CDK17: variants seen among roughly 807,000 people sequenced by gnomAD.
The protein encoded by CDK17 is cyclin dependent kinase 17, also known as cyclin-dependent kinase 17.
CDK17 carries 24 observed loss-of-function variants against 77.6 expected under a neutral mutation model. The observed-to-expected ratio is 0.31, with a 90% CI of 0.22 to 0.44. The LOEUF (loss-of-function observed/expected upper bound fraction) is 0.44. CDK17 is among the 20% of genes least tolerant of loss of function. The pLI is 1.00. For missense variants in CDK17, 429 were observed against 622.5 expected (o/e 0.69, Z 3.31); for synonymous variants, 203 against 210.4 (o/e 0.96, Z 0.30).
At chr12:96,348,830 A>G (rs1360233910) in intron 1 of CDK17, among the ~76,000 whole-genome samples, 2 of 152,162 alleles carry the variant, frequency 1.3e-5, no homozygotes. Flanking sequence ...AAACACTTCC[A>G]ACCAAAAAAG....
intron 5 of CDK17, chr12:96,303,372 C>T (rs1255222454): frequency 6.6e-6 from 1 of 152,084 alleles, no homozygotes; most frequent in Non-Finnish European, 1.5e-5. Context: ...GTTGTTGTTC[C>T]AGTCTCTGCA....
At chr12:96,341,029 TC>T (rs1004346462) in intron 1 of CDK17, among the ~76,000 whole-genome samples, 5 of 152,128 alleles carry the variant, frequency 3.3e-5, no homozygotes, top group African/African-American at 1.2e-4. Flanking sequence ...TGTCTGTTGA[TC>T]CCCTCTTTGT....
chr12:96,319,038 T>A (rs1458819670), intron 3 of CDK17, among the ~76,000 whole-genome samples: 1 of 144,666 alleles, frequency 6.9e-6, no homozygotes, highest in African/African-American at 2.6e-5. Context: ...TCAACAAAAT[T>A]GATAGACCGC....
In CDK17 at chr12:96,367,344, CAAAAAAAAAAAAAAA is replaced by C. The variant is rs56689330; in HGVS notation, c.-29-32494_-29-32480del. Among the ~76,000 whole-genome samples the C allele has an allele frequency of 5.8e-4, 37 of 63,516 alleles. 1 individual carries two copies. The highest frequency in any genetic ancestry group is 2.4e-3 in the African/African-American group (37 of 15,338). 41.7% of individuals were successfully genotyped at this position (63,516 alleles called of 152,430 possible). A position where few individuals can be genotyped will look rare whatever the true frequency, so the allele number is the denominator to read the frequency against. On this transcript the variant is annotated intron_variant, in intron 1 of 16. Coordinates refer to ENST00000261211, the MANE Select transcript of CDK17 (RefSeq NM_002595.5). ...TGGGTGACAGAATGAGACTCCACCT[CAAAAAAAAAAAAAAA>C]AAAAAAAAAAAAGAAATCTTATAAA...
chr12:96,355,354 C>T (rs1416102269), intron 1 of CDK17, among the ~76,000 whole-genome samples: 1 of 148,310 alleles, frequency 6.7e-6, no homozygotes, highest in Non-Finnish European at 1.5e-5. Flanking sequence ...CCCTTAACTG[C>T]TTTAATTTTC....
intron 5 of CDK17, chr12:96,303,058 T>G (rs1952529129): frequency 6.6e-6 from 1 of 152,180 alleles, no homozygotes; most frequent in Non-Finnish European, 1.5e-5. Flanking sequence ...TTAAATAAAA[T>G]TTTTAGAAAA....
At chr12:96,364,624 G>C (rs967390556) in intron 1 of CDK17, among the ~76,000 whole-genome samples, 24 of 151,986 alleles carry the variant, frequency 1.6e-4, no homozygotes, top group African/African-American at 5.8e-4. Context: ...TTTCTCCTTT[G>C]TGCTTTAAAT....
intron 4 of CDK17, among the ~76,000 whole-genome samples, chr12:96,311,677 A>C (rs190344046): frequency 1.0e-3 from 158 of 151,478 alleles, no homozygotes; most frequent in Non-Finnish European, 2.0e-3. Context: ...AAGAAATTTA[A>C]GCCCTATAAA....
intron 1 of CDK17, among the ~76,000 whole-genome samples, chr12:96,393,269 C>A (rs1368256887): frequency 7.6e-6 from 1 of 131,496 alleles, no homozygotes; most frequent in Non-Finnish European, 1.5e-5. Flanking sequence ...GAGGCTGAGG[C>A]AGGGAGAATC....
intron 1 of CDK17, among the ~76,000 whole-genome samples, chr12:96,388,620 A>G (rs1383636769): frequency 6.6e-6 from 1 of 152,218 alleles, no homozygotes; most frequent in African/African-American, 2.4e-5. Context: ...TTTTATTACC[A>G]CTACCAATAG....
At chr12:96,356,419 C>G (rs1321856186) in intron 1 of CDK17, among the ~76,000 whole-genome samples, 1 of 152,204 alleles carries the variant, frequency 6.6e-6, no homozygotes. Flanking sequence ...CCTCAGCCCC[C>G]CAAGTCGCTG....
intron 1 of CDK17, among the ~76,000 whole-genome samples, chr12:96,359,409 G>A (rs982441433): frequency 2.0e-5 from 3 of 152,178 alleles, no homozygotes; most frequent in Admixed American, 1.3e-4. Context: ...CTGACTGGAG[G>A]CTCTGCTCCA....
intron 1 of CDK17, among the ~76,000 whole-genome samples, chr12:96,350,375 G>A (rs1360495909): frequency 6.7e-6 from 1 of 150,366 alleles, no homozygotes; most frequent in East Asian, 1.9e-4. Flanking sequence ...AGACAACGAC[G>A]ATATCTTAAA....
At chr12:96,381,365 C>A (rs982465159) in intron 1 of CDK17, among the ~76,000 whole-genome samples, 35 of 144,260 alleles carry the variant, frequency 2.4e-4, no homozygotes, top group East Asian at 4.0e-4. Context: ...TTTTTTCCTA[C>A]AAAAAAAAAA....
At chr12:96,330,386 T>C (rs140045109) in intron 2 of CDK17, among the ~76,000 whole-genome samples, 206 of 152,322 alleles carry the variant, frequency 1.4e-3, no homozygotes, top group African/African-American at 4.8e-3. Flanking sequence ...GAAATTCTTA[T>C]AACATTAACC....
chr12:96,389,548 T>G (rs1423663835), intron 1 of CDK17, among the ~76,000 whole-genome samples: 1 of 152,136 alleles, frequency 6.6e-6, no homozygotes, highest in Non-Finnish European at 1.5e-5. Context: ...CACCAACTTA[T>G]GGGCAAAAAT....
At chr12:96,361,546 G>A (rs1953492792) in intron 1 of CDK17, among the ~76,000 whole-genome samples, 1 of 152,096 alleles carries the variant, frequency 6.6e-6, no homozygotes, top group Non-Finnish European at 1.5e-5. Context: ...AATATTTAAG[G>A]TAATATTTTG....
At chr12:96,368,815 G>A (rs918877068) in intron 1 of CDK17, among the ~76,000 whole-genome samples, 2,845 of 96,900 alleles carry the variant, frequency 0.029, 692 homozygotes, top group African/African-American at 0.09. Flanking sequence ...ACGGGGGGGG[G>A]GGGGGGGGGC....
intron 7 of CDK17, among the ~76,000 whole-genome samples, chr12:96,298,078 C>T (rs987729168): frequency 3.3e-5 from 5 of 151,974 alleles, no homozygotes; most frequent in Non-Finnish European, 5.9e-5. Context: ...ATCGTGAGGT[C>T]AGGAGATCGC....
Sources: allele counts gnomAD v4.1 joint callset (sites outside exome capture counted in the v4.1 genomes callset), GRCh38; gene constraint gnomAD v4.1.1; transcripts MANE v1.5; gene names NCBI Gene and HGNC (gene_info 2026-07-23, HGNC 2026-07-21).